CLCA4: variants seen among roughly 807,000 people sequenced by gnomAD.
CLCA4 encodes the protein chloride channel accessory 4, also known as calcium-activated chloride channel regulator 4.
In CLCA4, 69 loss-of-function variants were observed where a neutral mutation model predicts 78.9. That is an observed-to-expected ratio of 0.87 (90% CI 0.72 to 1.07). The LOEUF is 1.07. Ranked by LOEUF, CLCA4 falls within the 50% of genes least tolerant of loss-of-function variation. The probability of loss-of-function intolerance (pLI) is 0.00; values close to 1 mark genes in which losing one functional copy is unlikely to be tolerated. For synonymous variants in CLCA4, 362 were observed against 375.8 expected, an observed-to-expected ratio of 0.96 and a Z score of 0.42; for missense variants, 1,133 against 1,095.8, an observed-to-expected ratio of 1.03 and a Z score of -0.48.
At chr1:86,567,982 T>C (rs1335594733) in intron 7 of CLCA4, among the ~76,000 whole-genome samples, 1 of 151,992 alleles carries the variant, frequency 6.6e-6, no homozygotes, top group African/African-American at 2.4e-5. Flanking sequence ...GCCATTAACA[T>C]TTGGGGAAAT....
intron 3 of CLCA4, among the ~76,000 whole-genome samples, chr1:86,560,663 T>C (rs1175490561): frequency 6.6e-5 from 10 of 152,264 alleles, no homozygotes; most frequent in African/African-American, 1.7e-4. Context: ...TAAATGTTTT[T>C]CTTAAGGCAT....
At chr1:86,557,063 T>C (rs1649870322) in intron 1 of CLCA4, among the ~76,000 whole-genome samples, 3 of 152,192 alleles carry the variant, frequency 2.0e-5, no homozygotes, top group South Asian at 2.1e-4. Context: ...TTTCCAATCC[T>C]GTTTATTTGG....
chr1:86,573,117 C>G (rs1029195387), intron 9 of CLCA4, among the ~76,000 whole-genome samples: 10 of 151,908 alleles, frequency 6.6e-5, no homozygotes, highest in African/African-American at 2.4e-4. Flanking sequence ...GAAACATGAA[C>G]TCAAGAACCT....
Position 86,572,713 on chromosome 1 carries a change from C to T in CLCA4, c.1460C>T (p.Ser487Phe). ...GGAAATACTGATCTCTCCCAGAAGT[C>T]CCTTCAGGTCAGAGTTCTCATTCCT... ...TSGNTDLSQK[S>F]LQLESKGLTL... The change falls in exon 9 of 14, where the codon TCC becomes TTC. Residue 487 changes from serine (S) to phenylalanine (F), a missense_variant. Transcript: ENST00000370563. 3 of 1,564,980 alleles carry T rather than the reference C, an allele frequency of 1.9e-6. No homozygotes were observed. Among genetic ancestry groups the T allele is most frequent in the South Asian group, 1.1e-5 (1 of 90,196 alleles).
At chr1:86,553,826 C>T (rs1261721423) in intron 1 of CLCA4, among the ~76,000 whole-genome samples, 1 of 151,988 alleles carries the variant, frequency 6.6e-6, no homozygotes, top group African/African-American at 2.4e-5. Context: ...ATTCCAGCTA[C>T]TCGAGAGGTC....
At position 86,578,055 on chromosome 1, in the gene CLCA4, C is replaced by G. The variant is rs757773924; in HGVS notation, c.2105C>G (p.Pro702Arg). The change falls in exon 12 of 14, where the codon CCA becomes CGA. Residue 702 changes from proline (P) to arginine (R), a missense_variant. Physicochemically the swap from Pro to Arg is moderately radical, Grantham distance 103. Coordinates refer to ENST00000370563, the MANE Select transcript of CLCA4 (RefSeq NM_012128.4). ...CCACTGAATAGAGCCGCGTACATAC[C>G]AGGCTGGGTAGTGAACGGTGAGTAA... ...RPPLNRAAYI[P>R]GWVVNGEIEA... 1.6e-5 allele frequency: 26 copies of G among 1,611,166 alleles called. No homozygotes were observed. In the South Asian group the frequency reaches 1.7e-4, roughly 10 times the overall value.
Position 86,547,110 on chromosome 1 carries a change from G to A in CLCA4, c.-10G>A. 6.3e-7 allele frequency: 1 copy of A among 1,596,520 alleles called. No homozygotes were observed. The highest frequency in any genetic ancestry group is 1.2e-5 in the South Asian group (1 of 86,048). ...CCAACATTTGAGCCAGGAATAACTAGAGAGGAACAATGGGGTTATTCAGAG... is the reference window on the plus strand; with the variant it reads ...CCAACATTTGAGCCAGGAATAACTAAAGAGGAACAATGGGGTTATTCAGAG... On this transcript the variant is annotated 5_prime_UTR_variant, in exon 1 of 14. Transcript: ENST00000370563.
intron 3 of CLCA4, among the ~76,000 whole-genome samples, chr1:86,563,233 A>AAT (rs3029440): frequency 0.52 from 78,069 of 149,534 alleles, 22,209 homozygotes; most frequent in East Asian, 0.72. Context: ...TATTGCATTG[A>AAT]ATATATATAT....
At position 86,571,182 on chromosome 1, in the gene CLCA4, G is replaced by A; in HGVS notation, c.1288G>A (p.Gly430Arg). Residue 430 changes from glycine (G) to arginine (R), a missense_variant, in exon 8 of 14, where the codon GGG (glycine) becomes AGG (arginine). By Grantham distance (125) the Gly-to-Arg change is moderately radical. Transcript: ENST00000370563. ...TTGTATTGATGAAGTGAAACAAAGT[G>A]GGGCCATTGTTCATTTTATTGCTTT... ...SSCIDEVKQSGAIVHFIALGR... is the reference protein window; with the variant it reads ...SSCIDEVKQSRAIVHFIALGR... The A allele has an allele frequency of 6.2e-7, 1 of 1,612,942 alleles. No individual in the cohort carries two copies. The highest frequency in any genetic ancestry group is 8.5e-7 in the Non-Finnish European group (1 of 1,179,166).
At position 86,565,820 on chromosome 1, in the gene CLCA4, GA is replaced by G; in HGVS notation, c.760del (p.Thr254ProfsTer12). 2.0e-6 allele frequency: 3 copies of G among 1,519,766 alleles called. No homozygotes were observed. The highest frequency in any genetic ancestry group is 4.3e-5 in the Admixed American group (2 of 46,722). The allele number at this position is 1,519,766 out of a possible 1,614,324, so 94.1% of individuals were successfully genotyped here. ...CTTTTAGGTTGTTGAATTTTGTAAC[GA>G]AAAAACCCATAATCAAGAAGCTCCA... Reference protein sequence around the residue: ...SIDSVVEFCNEKTHNQEAPSL... With the variant: ...SIDSVVEFCNXKTHNQEAPSL... On this transcript the variant is annotated frameshift_variant, in exon 6 of 14. Transcript: ENST00000370563. LOFTEE classifies it high-confidence loss of function.
intron 3 of CLCA4, 60 bp downstream of exon 3, chr1:86,560,418 G>A: frequency 6.4e-7 from 1 of 1,566,294 alleles, no homozygotes; most frequent in Non-Finnish European, 8.7e-7. Context: ...TTTTTATGCA[G>A]GTTAAGTGTG....
At chr1:86,576,874 C>A (rs1158969218) in intron 11 of CLCA4, among the ~76,000 whole-genome samples, 1 of 151,982 alleles carries the variant, frequency 6.6e-6, no homozygotes, top group Non-Finnish European at 1.5e-5. Context: ...AGACCCTTTC[C>A]CTAGATTCTG....
intron 3 of CLCA4, among the ~76,000 whole-genome samples, chr1:86,563,044 A>AT (rs1650072216): frequency 6.6e-6 from 1 of 151,784 alleles, no homozygotes; most frequent in Non-Finnish European, 1.5e-5. Context: ...TTTTCCCAAC[A>AT]TTGCTAAAAT....
chr1:86,552,585 G>T (rs1433398494), intron 1 of CLCA4: 5 of 601,336 alleles, frequency 8.3e-6, no homozygotes, highest in East Asian at 2.9e-5. Flanking sequence ...GTGTCCACGC[G>T]TCAGACACAG....
chr1:86,571,012 T>C, intron 7 of CLCA4, 65 bp from the exon 8 acceptor site: 4 of 1,216,488 alleles, frequency 3.3e-6, no homozygotes, highest in Non-Finnish European at 4.6e-6. Flanking sequence ...TTTTTTCTCA[T>C]TTCCCATTTG....
chr1:86,556,077 A>C (rs1649832161), intron 1 of CLCA4, among the ~76,000 whole-genome samples: 1 of 152,156 alleles, frequency 6.6e-6, no homozygotes. Flanking sequence ...TGCTGAAGCT[A>C]TTCATCAGCT....
Position 86,580,186 on chromosome 1 carries a change from C to A in CLCA4, c.2601C>A (p.Ile867=). ...VSNIAQVTLF[I]PQANPDDIDP... ...ACATTGCACAAGTAACTTTGTTTATCCCTCAAGCAAATCCTGATGACATTG... is the reference window on the plus strand; with the variant it reads ...ACATTGCACAAGTAACTTTGTTTATACCTCAAGCAAATCCTGATGACATTG... The change falls in exon 14 of 14, where the codon ATC becomes ATA. Residue 867 remains isoleucine, a synonymous_variant. Coordinates refer to ENST00000370563, the MANE Select transcript of CLCA4 (RefSeq NM_012128.4). 1 of 1,611,140 alleles carries A rather than the reference C, an allele frequency of 6.2e-7. No homozygotes were observed. The highest frequency in any genetic ancestry group is 8.5e-7 in the Non-Finnish European group (1 of 1,179,108).
chr1:86,551,907 ATGT>A (rs2101789164), intron 1 of CLCA4, among the ~76,000 whole-genome samples: 1 of 151,934 alleles, frequency 6.6e-6, no homozygotes, highest in South Asian at 2.1e-4. Context: ...GACAAAAAAA[ATGT>A]AGTAGCTGTG....
chr1:86,569,954 T>C (rs896775329), intron 7 of CLCA4, among the ~76,000 whole-genome samples: 2 of 152,006 alleles, frequency 1.3e-5, no homozygotes, highest in Non-Finnish European at 2.9e-5. Context: ...TGGATCTTCA[T>C]TTTGTACTTA....
Sources: allele counts gnomAD v4.1 joint callset (sites outside exome capture counted in the v4.1 genomes callset), GRCh38; gene constraint gnomAD v4.1.1; transcripts MANE v1.5; gene names NCBI Gene and HGNC (gene_info 2026-07-23, HGNC 2026-07-21).